The following IFNGR2 variants were observed in gnomAD, a reference collection of about 807,000 sequenced individuals.
IFNGR2 encodes the protein IFN-gamma receptor 2.
In IFNGR2, 15 loss-of-function variants were observed where a neutral mutation model predicts 41.1. The observed-to-expected ratio is 0.37, with a 90% CI of 0.24 to 0.56. IFNGR2 has a LOEUF of 0.56. Among genes scored for constraint, IFNGR2 ranks in the 20% least tolerant of loss-of-function variants. The probability of loss-of-function intolerance (pLI) is 0.81; values close to 1 mark genes in which losing one functional copy is unlikely to be tolerated. For synonymous variants in IFNGR2, 161 were observed against 171.6 expected (o/e 0.94, Z 0.48); for missense variants, 362 against 415.7 (o/e 0.87, Z 1.12).
chr21:33,427,119 G>T, intron 4 of IFNGR2, 87 bp downstream of exon 4: 3 of 1,165,180 alleles, frequency 2.6e-6, no homozygotes, highest in Non-Finnish European at 3.9e-6. Flanking sequence ...ACATGGGCAA[G>T]AACAGGGTGT....
At chr21:33,414,440 C>T (rs1043626439) in intron 1 of IFNGR2, among the ~76,000 whole-genome samples, 13 of 152,372 alleles carry the variant, frequency 8.5e-5, no homozygotes, top group Non-Finnish European at 1.6e-4. Flanking sequence ...GAAGCTAACG[C>T]GTGTCACATG....
At chr21:33,419,262 T>C (rs1000217520) in intron 2 of IFNGR2, among the ~76,000 whole-genome samples, 3 of 152,022 alleles carry the variant, frequency 2.0e-5, no homozygotes, top group African/African-American at 4.8e-5. Flanking sequence ...CCCGCCACCA[T>C]GCCTGGCTAA....
intron 1 of IFNGR2, among the ~76,000 whole-genome samples, chr21:33,408,979 C>T (rs1483749727): frequency 8.6e-5 from 13 of 151,784 alleles, no homozygotes. Context: ...GAGTTCGAGA[C>T]CAGCCTGGCC....
intron 6 of IFNGR2, among the ~76,000 whole-genome samples, chr21:33,435,513 C>T (rs1204153748): frequency 6.6e-6 from 1 of 152,146 alleles, no homozygotes; most frequent in Non-Finnish European, 1.5e-5. Context: ...CTTTTAAACT[C>T]TCAGCATATT....
At chr21:33,427,088 A>G in intron 4 of IFNGR2, 56 bp downstream of exon 4, 4 of 1,487,326 alleles carry the variant, frequency 2.7e-6, no homozygotes, top group Non-Finnish European at 3.8e-6. Context: ...TTTCTGGCTT[A>G]GCAAAAGAAA....
intron 1 of IFNGR2, among the ~76,000 whole-genome samples, chr21:33,405,998 C>T (rs2083674798): frequency 6.6e-6 from 1 of 152,230 alleles, no homozygotes; most frequent in African/African-American, 2.4e-5. Context: ...CACTGCACTC[C>T]AGCCTGGGCG....
chr21:33,411,427 C>CTG, intron 1 of IFNGR2: 2 of 470,890 alleles, frequency 4.2e-6, no homozygotes, highest in Non-Finnish European at 8.8e-6. Flanking sequence ...GAGACTATTC[C>CTG]TGTTGGTTCC....
chr21:33,425,469 C>G (rs2083828381), intron 3 of IFNGR2, among the ~76,000 whole-genome samples: 2 of 152,224 alleles, frequency 1.3e-5, no homozygotes, highest in African/African-American at 4.8e-5. Context: ...CCAGCTGTGG[C>G]TGGTGTCCAC....
intron 3 of IFNGR2, among the ~76,000 whole-genome samples, chr21:33,424,951 C>G (rs2083823804): frequency 6.6e-6 from 1 of 152,154 alleles, no homozygotes; most frequent in East Asian, 1.9e-4. Context: ...CTCTTGTCAC[C>G]CGGGCTGGAG....
At position 33,403,443 on chromosome 21, in the gene IFNGR2, C is replaced by T; in HGVS notation, c.-101C>T. On this transcript the variant is annotated 5_prime_UTR_variant, in exon 1 of 7. Transcript: ENST00000290219. The stretch of plus-strand genomic sequence containing the variant: ...TCGGGAAGAGGCGGGCCCTGCGCGC[C>T]CTGCGCTCGCCATGGCGGTTTGGGC... 7 of 686,922 alleles carry T rather than the reference C, an allele frequency of 1.0e-5. No individual in the cohort carries two copies. In the South Asian group the frequency reaches 2.6e-4, roughly 26 times the overall value. 42.6% of individuals were successfully genotyped at this position (686,922 alleles called of 1,614,324 possible).
intron 5 of IFNGR2, 51 bp from the exon 6 acceptor site, chr21:33,432,663 T>C: frequency 6.3e-7 from 1 of 1,587,396 alleles, no homozygotes; most frequent in Non-Finnish European, 8.7e-7. Flanking sequence ...AACTGATGTT[T>C]GTGTTGTGCG....
intron 1 of IFNGR2, among the ~76,000 whole-genome samples, chr21:33,413,547 C>T (rs2083731139): frequency 6.6e-6 from 1 of 152,176 alleles, no homozygotes. Flanking sequence ...TCAAACCTTT[C>T]TTCCACCTTC....
intron 3 of IFNGR2, among the ~76,000 whole-genome samples, chr21:33,422,877 C>CAAAAAAAAAAAAAAAAAAAAA (rs71194843): frequency 2.9e-5 from 1 of 34,954 alleles, no homozygotes; most frequent in Non-Finnish European, 4.5e-5. Context: ...AACTCCATCT[C>CAAAAAAAAAAAAAAAAAAAAA]AAAAAAAAAA....
chr21:33,419,538 C>A (rs927991770), intron 2 of IFNGR2, among the ~76,000 whole-genome samples: 2 of 151,780 alleles, frequency 1.3e-5, no homozygotes, highest in South Asian at 4.2e-4. Flanking sequence ...TTTATTTTAA[C>A]TTGATGTAGT....
At chr21:33,407,948 C>T (rs1393815415) in intron 1 of IFNGR2, among the ~76,000 whole-genome samples, 1 of 147,132 alleles carries the variant, frequency 6.8e-6, no homozygotes, top group Non-Finnish European at 1.5e-5. Flanking sequence ...AGAACAATTT[C>T]CTGGTTATGG....
chr21:33,411,569 G>A (rs1238718206), intron 1 of IFNGR2: 2 of 468,658 alleles, frequency 4.3e-6, no homozygotes, highest in Non-Finnish European at 8.9e-6. Context: ...GGACTCCGCA[G>A]ATGTGAGTAA....
chr21:33,417,242 T>G (rs7283850), intron 2 of IFNGR2, among the ~76,000 whole-genome samples: 80 of 151,904 alleles, frequency 5.3e-4, no homozygotes, highest in African/African-American at 1.8e-3. Context: ...GGGCGCACAC[T>G]GCTGTACCCA....
At chr21:33,414,085 G>C (rs1039062920) in intron 1 of IFNGR2, among the ~76,000 whole-genome samples, 12 of 152,050 alleles carry the variant, frequency 7.9e-5, no homozygotes, top group African/African-American at 2.4e-4. Context: ...TGCCTTCCTT[G>C]GCCTCCCACA....
At chr21:33,419,509 T>C (rs759189337) in intron 2 of IFNGR2, among the ~76,000 whole-genome samples, 1 of 152,112 alleles carries the variant, frequency 6.6e-6, no homozygotes, top group Non-Finnish European at 1.5e-5. Context: ...GGGTCACACT[T>C]CTGGGGTCTA....
Sources: gnomAD v4.1 joint callset for allele counts (sites outside exome capture counted in the v4.1 genomes callset) on GRCh38, gnomAD v4.1.1 for gene constraint, MANE v1.5 for transcripts, NCBI Gene and HGNC (gene_info 2026-07-23, HGNC 2026-07-21) for gene names.